Variants in GPR157 observed in about 807,000 individuals in gnomAD.
GPR157 encodes the protein G protein-coupled receptor 157.
Under a neutral mutation model 23.5 loss-of-function variants are expected in GPR157, and 16 were observed. The observed-to-expected ratio is 0.68, with a 90% CI of 0.46 to 1.04. The LOEUF (loss-of-function observed/expected upper bound fraction) is 1.04. Among genes scored for constraint, GPR157 ranks in the 50% least tolerant of loss-of-function variants. The pLI is 0.00. For synonymous variants in GPR157, 200 were observed against 221.5 expected, an observed-to-expected ratio of 0.90 and a Z score of 0.86; for missense variants, 440 against 460.7, an observed-to-expected ratio of 0.96 and a Z score of 0.41.
chr1:9,121,291 C>T (rs1481599886), intron 1 of GPR157, among the ~76,000 whole-genome samples: 1 of 151,010 alleles, frequency 6.6e-6, no homozygotes, highest in Non-Finnish European at 1.5e-5. Flanking sequence ...GAGATCACAC[C>T]ACTGCACTCC....
At chr1:9,123,746 T>TTA (rs1174361616) in intron 1 of GPR157, among the ~76,000 whole-genome samples, 2 of 118,070 alleles carry the variant, frequency 1.7e-5, no homozygotes, top group Non-Finnish European at 3.5e-5. Flanking sequence ...ATATTTAATA[T>TTA]TATATATTTA....
intron 2 of GPR157, among the ~76,000 whole-genome samples, chr1:9,107,556 G>A (rs537590828): frequency 2.3e-4 from 35 of 152,134 alleles, no homozygotes; most frequent in Non-Finnish European, 4.0e-4. Context: ...AGGCTGAGGC[G>A]GGCAGATTAC....
chr1:9,105,356 G>A lies in GPR157; in HGVS notation c.792+130C>T. On this transcript the variant is annotated intron_variant, in intron 3 of 3. Transcript: ENST00000377411. This position sits in a 1 kb window ranked among gnomAD's most constrained non-coding sequence, Gnocchi z 4.8. Reference sequence around the variant, plus strand: ...CAGGCAGAGAGGAAGGCACAGCACAGTGGGGCCGAGCTCCTCCCTGCAGCT... The same window carrying A: ...CAGGCAGAGAGGAAGGCACAGCACAATGGGGCCGAGCTCCTCCCTGCAGCT... 1.3e-6 allele frequency: 1 copy of A among 777,808 alleles called. No individual in the cohort carries two copies. Among genetic ancestry groups the A allele is most frequent in the East Asian group, 2.7e-5 (1 of 36,606 alleles). The allele number at this position is 777,808 out of a possible 1,614,324, so 48.2% of individuals were successfully genotyped here.
chr1:9,120,864 T>C lies in GPR157; in HGVS notation c.383+7781A>G, dbSNP rs1421067267. Among the ~76,000 whole-genome samples the C allele has an allele frequency of 6.6e-6, 1 of 152,142 alleles. No homozygotes were observed. Among genetic ancestry groups the C allele is most frequent in the Non-Finnish European group, 1.5e-5 (1 of 68,010 alleles). ...CACCAGTCACCTCAGAAAACTTTTA[T>C]GGGGAAATAAACGAAACCAGTTCAA... On this transcript the variant is annotated intron_variant, in intron 1 of 3. Coordinates refer to ENST00000377411, the MANE Select transcript of GPR157 (RefSeq NM_024980.5). This position sits in a 1 kb window ranked among gnomAD's most constrained non-coding sequence, Gnocchi z 4.1.
chr1:9,106,319 C>T (rs1638326138), intron 2 of GPR157, among the ~76,000 whole-genome samples: 1 of 152,128 alleles, frequency 6.6e-6, no homozygotes, highest in Non-Finnish European at 1.5e-5. Context: ...CTCTGCCACC[C>T]CCTCCTGCTC....
At chr1:9,121,150 T>G (rs1200775545) in intron 1 of GPR157, among the ~76,000 whole-genome samples, 109 of 133,470 alleles carry the variant, frequency 8.2e-4, no homozygotes, top group Middle Eastern at 0.01. Context: ...CTGGCCAACA[T>G]GGTAAAATCC....
At chr1:9,126,950 A>C (rs770020) in intron 1 of GPR157, among the ~76,000 whole-genome samples, 1 of 151,536 alleles carries the variant, frequency 6.6e-6, no homozygotes, top group Non-Finnish European at 1.5e-5. Flanking sequence ...TCTGTCTGCA[A>C]TCATAGCTCA....
At chr1:9,112,611 C>T (rs1296582690) in intron 1 of GPR157, among the ~76,000 whole-genome samples, 1 of 152,168 alleles carries the variant, frequency 6.6e-6, no homozygotes, top group Non-Finnish European at 1.5e-5. Flanking sequence ...CACCACCACG[C>T]CCGGCTAATT....
In GPR157 at chr1:9,128,958, G is replaced by A. The variant is rs552791929; in HGVS notation, c.70C>T (p.Leu24Phe). ...ERAVVLLSCA[L>F]SALGSGLLVA... is the part of the protein sequence containing the mutation. ...AGCAGGCCCGAGCCGAGCGCGGAGAGTGCGCACGACAGCAGCACCACGGCG... is the reference window on the plus strand; with the variant it reads ...AGCAGGCCCGAGCCGAGCGCGGAGAATGCGCACGACAGCAGCACCACGGCG... The change falls in exon 1 of 4, where the codon CTC becomes TTC. Residue 24 changes from leucine (L) to phenylalanine (F), a missense_variant. Coordinates refer to ENST00000377411, the MANE Select transcript of GPR157 (RefSeq NM_024980.5). This position sits in a 1 kb window ranked among gnomAD's most constrained non-coding sequence, Gnocchi z 6.3. 1.8e-5 allele frequency: 27 copies of A among 1,492,366 alleles called. No individual in the cohort carries two copies. The South Asian group carries it at 3.1e-4, about 17-fold the overall frequency. The allele number at this position is 1,492,366 out of a possible 1,614,324, so 92.4% of individuals were successfully genotyped here. A position where few individuals can be genotyped will look rare whatever the true frequency, so the allele number is the denominator to read the frequency against.
At position 9,128,368 on chromosome 1, in the gene GPR157, C is replaced by T. The variant is rs1397269147; in HGVS notation, c.383+277G>A. On this transcript the variant is annotated intron_variant, in intron 1 of 3. Transcript: ENST00000377411. This position sits in a 1 kb window ranked among gnomAD's most constrained non-coding sequence, Gnocchi z 6.3. ...TCAGAGTGTCCTCCCCAGCCCCGTC[C>T]AAGGAAACAGGGCCCGGCTCTGGGG... The T allele has an allele frequency of 1.5e-6, 1 of 676,542 alleles. No individual in the cohort carries two copies. The highest frequency in any genetic ancestry group is 2.8e-5 in the East Asian group (1 of 35,100). The allele number at this position is 676,542 out of a possible 1,614,324, so 41.9% of individuals were successfully genotyped here.
chr1:9,109,432 G>A (rs886391887), intron 2 of GPR157, among the ~76,000 whole-genome samples: 4 of 151,390 alleles, frequency 2.6e-5, no homozygotes, highest in East Asian at 2.0e-4. Flanking sequence ...TTGCTCTGTC[G>A]CCCAGGCTGG....
At chr1:9,110,330 C>G (rs751558378) in intron 2 of GPR157, among the ~76,000 whole-genome samples, 1 of 152,188 alleles carries the variant, frequency 6.6e-6, no homozygotes, top group African/African-American at 2.4e-5. Flanking sequence ...CCAGACCAGC[C>G]TGGCCAACAT....
rs1224191433 is a variant in GPR157 at position 9,104,208 on chromosome 1, A to G, written c.*211T>C. ...GCAGATGAACGCCCACCCGTGGGCC[A>G]GGACGCTGGTACCGGTGGAACTTGC... On this transcript the variant is annotated 3_prime_UTR_variant, in exon 4 of 4. Transcript: ENST00000377411. 2 of 572,536 alleles carry G rather than the reference A, an allele frequency of 3.5e-6. No homozygotes were observed. Among genetic ancestry groups the G allele is most frequent in the South Asian group, 2.1e-5 (1 of 46,550 alleles). 35.5% of individuals were successfully genotyped at this position (572,536 alleles called of 1,614,324 possible).
In GPR157 at chr1:9,120,017, C is replaced by T. The variant is rs945729844; in HGVS notation, c.384-8528G>A. ...TTGGGAGTTCCCAGCGCTGCCCAAC[C>T]GGGGATCTTCTGTTGTGTGGTTCCT... is the stretch of plus-strand genomic sequence containing the variant. On this transcript the variant is annotated intron_variant, in intron 1 of 3. Transcript: ENST00000377411. This position sits in a 1 kb window ranked among gnomAD's most constrained non-coding sequence, Gnocchi z 4.1. 1.1e-4 allele frequency among the ~76,000 whole-genome samples: 16 copies of T among 152,234 alleles called. No homozygotes were observed. The East Asian group carries it at 3.1e-3, about 29-fold the overall frequency.
In GPR157 at chr1:9,103,433, G is replaced by C. The variant is rs1372951773; in HGVS notation, c.*986C>G. The C allele has an allele frequency of 6.6e-6, 1 of 152,256 alleles. No homozygotes were observed. Among genetic ancestry groups the C allele is most frequent in the Non-Finnish European group, 1.5e-5 (1 of 68,074 alleles). The allele number at this position is 152,256 out of a possible 1,614,324, so 9.4% of individuals were successfully genotyped here. ...CCTGCCTTGGCCTCCCAAAGTGCTA[G>C]GGTTACAGGTGTGAGCCACTGTGCC... On this transcript the variant is annotated 3_prime_UTR_variant, in exon 4 of 4. Coordinates refer to ENST00000377411, the MANE Select transcript of GPR157 (RefSeq NM_024980.5).
intron 1 of GPR157, among the ~76,000 whole-genome samples, chr1:9,116,377 T>A (rs7514455): frequency 0.39 from 6,091 of 15,476 alleles, 2,168 homozygotes; most frequent in East Asian, 0.95. Flanking sequence ...ATATATATAT[T>A]TTTTCACCAC....
At chr1:9,124,521 G>C (rs1638923816) in intron 1 of GPR157, among the ~76,000 whole-genome samples, 1 of 152,156 alleles carries the variant, frequency 6.6e-6, no homozygotes, top group Non-Finnish European at 1.5e-5. Flanking sequence ...CCCTTGTGGA[G>C]AGCCTATAAA....
At chr1:9,116,217 A>AAT in intron 1 of GPR157, among the ~76,000 whole-genome samples, 1 of 19,978 alleles carries the variant, frequency 5.0e-5, no homozygotes. Context: ...AATTATATAT[A>AAT]TATTACATAT....
At chr1:9,112,536 T>A (rs551961809) in intron 1 of GPR157, among the ~76,000 whole-genome samples, 2 of 152,274 alleles carry the variant, frequency 1.3e-5, no homozygotes, top group South Asian at 4.1e-4. Flanking sequence ...CATTGCAACC[T>A]CCACCTCCTG....
Sources: allele counts gnomAD v4.1 joint callset (sites outside exome capture counted in the v4.1 genomes callset), GRCh38; gene constraint gnomAD v4.1.1; non-coding constraint Gnocchi (gnomAD v3.1); transcripts MANE v1.5; gene names NCBI Gene and HGNC (gene_info 2026-07-23, HGNC 2026-07-21).